Variants in GALNT1 observed in about 807,000 individuals in gnomAD.
GALNT1 encodes the protein GalNAc transferase 1.
A neutral mutation model predicts 65.7 loss-of-function variants in GALNT1; 17 were observed. The observed-to-expected ratio is 0.26, with a 90% CI of 0.18 to 0.39. GALNT1 has a LOEUF of 0.39. Ranked by LOEUF, GALNT1 falls within the 10% of genes least tolerant of loss-of-function variation. The pLI is 1.00. For missense variants in GALNT1, 460 were observed against 672.8 expected, an observed-to-expected ratio of 0.68 and a Z score of 3.50; for synonymous variants, 210 against 219.7, an observed-to-expected ratio of 0.96 and a Z score of 0.39.
chr18:35,626,168 T>C (rs1011225297), intron 1 of GALNT1, among the ~76,000 whole-genome samples: 15 of 152,228 alleles, frequency 9.9e-5, no homozygotes, highest in Non-Finnish European at 1.8e-4. Flanking sequence ...ACTCTCGGCA[T>C]CTTTTGCAAA....
intron 1 of GALNT1, among the ~76,000 whole-genome samples, chr18:35,624,143 G>A (rs2046888631): frequency 6.6e-6 from 1 of 152,146 alleles, no homozygotes; most frequent in Non-Finnish European, 1.5e-5. Flanking sequence ...TGGAGCCTTT[G>A]GAGTCTGTCC....
upstream of GALNT1, among the ~76,000 whole-genome samples, chr18:35,581,581 CA>C (rs1356062321): frequency 0.027 from 11 of 412 alleles, no homozygotes; most frequent in East Asian, 0.3. Flanking sequence ...AGTGAGCGGG[CA>C]GGCGGCGCGC....
chr18:35,625,405 T>C (rs549682618), intron 1 of GALNT1, among the ~76,000 whole-genome samples: 1 of 152,200 alleles, frequency 6.6e-6, no homozygotes, highest in South Asian at 2.1e-4. Context: ...AGAAGAGGCT[T>C]TATTTATAGC....
chr18:35,671,827 C>T (rs1469259534), intron 3 of GALNT1, among the ~76,000 whole-genome samples: 3 of 152,146 alleles, frequency 2.0e-5, no homozygotes, highest in Admixed American at 2.0e-4. Flanking sequence ...GTTCAGTGCA[C>T]ATAGTATACT....
chr18:35,677,050 C>T lies in GALNT1; in HGVS notation c.315-541C>T, dbSNP rs2047721086. Among the ~76,000 whole-genome samples the T allele has an allele frequency of 2.0e-5, 3 of 152,272 alleles. No individual in the cohort carries two copies. The South Asian group carries it at 6.2e-4, about 32-fold the overall frequency. ...GGGCATGGGCTGTGGAGTCTTCAGT[C>T]AGGTTCTGTTGCCTCCTCGCTATCC... is the stretch of plus-strand genomic sequence containing the variant. On this transcript the variant is annotated intron_variant, in intron 3 of 11. Transcript: ENST00000269195.
intron 1 of GALNT1, among the ~76,000 whole-genome samples, chr18:35,628,448 G>C (rs887218128): frequency 2.6e-5 from 4 of 152,178 alleles, no homozygotes; most frequent in African/African-American, 9.7e-5. Flanking sequence ...CTGATACCCA[G>C]GCAAACAGGG....
At chr18:35,677,791 A>G (rs779125414) in intron 4 of GALNT1, 34 bp downstream of exon 4, 1 of 1,524,442 alleles carries the variant, frequency 6.6e-7, no homozygotes, top group South Asian at 1.2e-5. Context: ...ATAATTTGCT[A>G]CACCTTTTGT....
At chr18:35,675,778 T>A (rs1056456810) in intron 3 of GALNT1, among the ~76,000 whole-genome samples, 34 of 152,208 alleles carry the variant, frequency 2.2e-4, no homozygotes, top group African/African-American at 8.0e-4. Flanking sequence ...TAAGTAGGAT[T>A]CACTTGGGAA....
At chr18:35,709,534 C>G (rs1292424836) in intron 11 of GALNT1, 90 bp from the exon 12 acceptor site, 1 of 1,383,142 alleles carries the variant, frequency 7.2e-7, no homozygotes, top group Non-Finnish European at 1.0e-6. Context: ...AAAAAAAACA[C>G]CTTTTCTGCA....
intron 1 of GALNT1, among the ~76,000 whole-genome samples, chr18:35,632,152 C>A (rs538856813): frequency 6.6e-6 from 1 of 152,260 alleles, no homozygotes; most frequent in Non-Finnish European, 1.5e-5. Context: ...TCAATGCCAT[C>A]CCCATCAAGC....
intron 9 of GALNT1, among the ~76,000 whole-genome samples, chr18:35,696,735 A>G (rs1429775121): frequency 1.3e-5 from 2 of 152,216 alleles, no homozygotes; most frequent in South Asian, 2.1e-4. Flanking sequence ...TGAGACACAA[A>G]TAAATGGTTT....
At chr18:35,621,401 C>G (rs2046850150) in intron 1 of GALNT1, among the ~76,000 whole-genome samples, 1 of 147,282 alleles carries the variant, frequency 6.8e-6, no homozygotes, top group South Asian at 2.2e-4. Flanking sequence ...CTATGTTGCC[C>G]AGGCTGGTCT....
At chr18:35,686,071 A>T (rs1160480919) in intron 5 of GALNT1, among the ~76,000 whole-genome samples, 1 of 152,222 alleles carries the variant, frequency 6.6e-6, no homozygotes, top group African/African-American at 2.4e-5. Context: ...TCCATCTCCA[A>T]ACAAAAGAAT....
At chr18:35,648,589 T>G (rs767141821) in intron 1 of GALNT1, among the ~76,000 whole-genome samples, 2 of 152,244 alleles carry the variant, frequency 1.3e-5, no homozygotes, top group South Asian at 4.1e-4. Flanking sequence ...TTTTAACTTA[T>G]GTGGTTGGGA....
At chr18:35,611,302 C>A (rs1036786725) in intron 1 of GALNT1, among the ~76,000 whole-genome samples, 1 of 151,972 alleles carries the variant, frequency 6.6e-6, no homozygotes, top group African/African-American at 2.4e-5. Context: ...CTAAATTGGC[C>A]AAGGGATTGA....
At chr18:35,655,210 A>G (rs1181802088) in intron 2 of GALNT1, among the ~76,000 whole-genome samples, 1 of 152,036 alleles carries the variant, frequency 6.6e-6, no homozygotes, top group African/African-American at 2.4e-5. Flanking sequence ...TCCTAAGGGG[A>G]AGAAATTTTT....
At chr18:35,660,429 A>G (rs1015208282) in intron 2 of GALNT1, among the ~76,000 whole-genome samples, 1 of 152,142 alleles carries the variant, frequency 6.6e-6, no homozygotes, top group Non-Finnish European at 1.5e-5. Flanking sequence ...AACTTAACTG[A>G]AGTATATAAT....
chr18:35,697,807 A>G (rs940215370), intron 9 of GALNT1, among the ~76,000 whole-genome samples: 7 of 151,992 alleles, frequency 4.6e-5, no homozygotes, highest in African/African-American at 1.7e-4. Flanking sequence ...CCTTTATGAT[A>G]CTCTCAGTTT....
intron 6 of GALNT1, 113 bp downstream of exon 6, chr18:35,687,299 ACCT>A: frequency 1.1e-6 from 1 of 905,670 alleles, no homozygotes; most frequent in South Asian, 2.3e-5. Flanking sequence ...GCATTCGTAT[ACCT>A]TATGGTAGTT....
Sources: gnomAD v4.1 joint callset for allele counts (sites outside exome capture counted in the v4.1 genomes callset) on GRCh38, gnomAD v4.1.1 for gene constraint, MANE v1.5 for transcripts, NCBI Gene and HGNC (gene_info 2026-07-23, HGNC 2026-07-21) for gene names.